The following CCDC178 variants were observed in gnomAD, a reference collection of about 807,000 sequenced individuals.
CCDC178 encodes coiled-coil domain containing 178, also known as coiled-coil domain-containing protein 178.
A neutral mutation model predicts 117.4 loss-of-function variants in CCDC178; 126 were observed. The observed-to-expected ratio is 1.07, with a 90% confidence interval of 0.93 to 1.24. The LOEUF (loss-of-function observed/expected upper bound fraction) is 1.24. Ranked by LOEUF, CCDC178 falls within the 50% of genes most tolerant of loss-of-function variation. The pLI is 0.00. For synonymous variants in CCDC178, 283 were observed against 313.4 expected (o/e 0.90, Z 1.02); for missense variants, 1,030 against 986.9 (o/e 1.04, Z -0.59).
rs1306971348 is a variant in CCDC178 at position 33,168,723 on chromosome 18, G to A, written c.2238+43173C>T. The stretch of plus-strand genomic sequence containing the variant: ...TTAACCCGAACTTACTTAGTAATAT[G>A]TCCTAACGGTGTAAATGATTAGAAT... On this transcript the variant is annotated intron_variant, in intron 20 of 22. Coordinates refer to ENST00000383096, the MANE Select transcript of CCDC178 (RefSeq NM_001105528.4). 2.0e-5 allele frequency among the ~76,000 whole-genome samples: 3 copies of A among 152,124 alleles called. No homozygotes were observed. The East Asian group carries it at 5.8e-4, about 29-fold the overall frequency.
intron 20 of CCDC178, among the ~76,000 whole-genome samples, chr18:33,101,235 T>C (rs1294376761): frequency 6.6e-6 from 1 of 151,368 alleles, no homozygotes; most frequent in African/African-American, 2.4e-5. Flanking sequence ...TTTAATTATA[T>C]TTTAATTTGT....
intron 15 of CCDC178, among the ~76,000 whole-genome samples, chr18:33,233,570 G>A (rs557256789): frequency 1.3e-5 from 2 of 152,018 alleles, no homozygotes; most frequent in African/African-American, 2.4e-5. Flanking sequence ...ATGTAGGTAA[G>A]TTGTTAAAGA....
chr18:33,204,391 T>C (rs942157064), intron 20 of CCDC178, among the ~76,000 whole-genome samples: 1 of 150,836 alleles, frequency 6.6e-6, no homozygotes, highest in African/African-American at 2.5e-5. Flanking sequence ...AAAATACCAA[T>C]AAACGAATGA....
At position 33,177,458 on chromosome 18, in the gene CCDC178, A is replaced by G. The variant is rs1282718945; in HGVS notation, c.2238+34438T>C. Among the ~76,000 whole-genome samples the G allele has an allele frequency of 2.6e-5, 4 of 152,210 alleles. No homozygotes were observed. In the East Asian group the frequency reaches 7.7e-4, roughly 29 times the overall value. On this transcript the variant is annotated intron_variant, in intron 20 of 22. Transcript: ENST00000383096. ...TCTAACCAAGGTTAGTGCTTCTGCC[A>G]GGACTCTGTGTGTTCCAATTCCATT...
chr18:33,000,326 G>A (rs1009728247), intron 21 of CCDC178, among the ~76,000 whole-genome samples: 2 of 151,776 alleles, frequency 1.3e-5, no homozygotes, highest in South Asian at 4.1e-4. Context: ...AAAAAATAAA[G>A]CACACCTACA....
intron 21 of CCDC178, among the ~76,000 whole-genome samples, chr18:33,044,983 G>C (rs1457689022): frequency 6.6e-6 from 1 of 152,100 alleles, no homozygotes; most frequent in Non-Finnish European, 1.5e-5. Context: ...GACATACAGA[G>C]CAGACACTGA....
intron 21 of CCDC178, among the ~76,000 whole-genome samples, chr18:33,077,082 G>C (rs943199069): frequency 2.0e-5 from 3 of 152,048 alleles, no homozygotes; most frequent in Admixed American, 6.6e-5. Context: ...ACTAAGCATT[G>C]CTTAATCATA....
At position 33,148,072 on chromosome 18, in the gene CCDC178, C is replaced by T. The variant is rs566825345; in HGVS notation, c.2239-55162G>A. On this transcript the variant is annotated intron_variant, in intron 20 of 22. Coordinates refer to ENST00000383096, the MANE Select transcript of CCDC178 (RefSeq NM_001105528.4). ...CGGCACTTTGGGAGGCCAAGGCAGG[C>T]GGCTGGGAGGTGGAGGTTGTAGCGA... Among the ~76,000 whole-genome samples, 386 of 151,996 alleles carry T rather than the reference C, an allele frequency of 2.5e-3. 4 individuals carry two copies. The highest frequency in any genetic ancestry group is 0.018 in the Admixed American group (277 of 15,252).
chr18:33,010,899 CTGTGT>C (rs1234543397), intron 21 of CCDC178, among the ~76,000 whole-genome samples: 1 of 152,154 alleles, frequency 6.6e-6, no homozygotes, highest in South Asian at 2.1e-4. Context: ...AATCAGAGTG[CTGTGT>C]TAAGGTATTG....
chr18:33,407,286 A>G (rs190871485), intron 3 of CCDC178, among the ~76,000 whole-genome samples: 1 of 152,246 alleles, frequency 6.6e-6, no homozygotes, highest in East Asian at 1.9e-4. Context: ...TATTATCTCT[A>G]TGTTATTTCA....
At chr18:33,120,405 A>C (rs2057921262) in intron 20 of CCDC178, among the ~76,000 whole-genome samples, 1 of 152,132 alleles carries the variant, frequency 6.6e-6, no homozygotes, top group Non-Finnish European at 1.5e-5. Flanking sequence ...GGTAGTTCTA[A>C]AATACAGGCA....
At chr18:33,300,296 T>C (rs1027636681) in intron 11 of CCDC178, among the ~76,000 whole-genome samples, 2 of 152,198 alleles carry the variant, frequency 1.3e-5, no homozygotes, top group Admixed American at 6.5e-5. Context: ...ATTAAGCCTT[T>C]TTATTTACAA....
chr18:33,084,188 T>C (rs1376949189), intron 21 of CCDC178, among the ~76,000 whole-genome samples: 1 of 152,232 alleles, frequency 6.6e-6, no homozygotes, highest in Non-Finnish European at 1.5e-5. Context: ...AAATATTCCC[T>C]CATTTTCTCC....
At chr18:32,961,683 T>A (rs999816022) in intron 22 of CCDC178, among the ~76,000 whole-genome samples, 5 of 152,118 alleles carry the variant, frequency 3.3e-5, no homozygotes, top group African/African-American at 1.2e-4. Flanking sequence ...GCAGCCTAGA[T>A]CCCTTGCATG....
At chr18:33,425,996 G>C (rs1312436453) in intron 2 of CCDC178, among the ~76,000 whole-genome samples, 2 of 152,032 alleles carry the variant, frequency 1.3e-5, no homozygotes, top group Non-Finnish European at 2.9e-5. Context: ...TTTTTCAACA[G>C]AAAACAAAGC....
chr18:33,346,438 T>C, intron 8 of CCDC178, 27 bp from the exon 9 acceptor site: 1 of 1,493,198 alleles, frequency 6.7e-7, no homozygotes, highest in Non-Finnish European at 9.3e-7. Flanking sequence ...TATTCACATT[T>C]GTTAATAAAT....
intron 20 of CCDC178, among the ~76,000 whole-genome samples, chr18:33,148,417 AGAGAGG>A (rs1284711609): frequency 1.1e-4 from 17 of 150,112 alleles, no homozygotes; most frequent in Admixed American, 6.6e-4. Context: ...GACCGTGGAG[AGAGAGG>A]GAGAGGGAGA....
chr18:33,157,995 T>C (rs2058421193), intron 20 of CCDC178, among the ~76,000 whole-genome samples: 1 of 152,120 alleles, frequency 6.6e-6, no homozygotes, highest in South Asian at 2.1e-4. Context: ...AATGCTCACT[T>C]ATCTGAGGGT....
At chr18:33,057,945 T>C (rs898268913) in intron 21 of CCDC178, among the ~76,000 whole-genome samples, 27 of 152,110 alleles carry the variant, frequency 1.8e-4, no homozygotes. Flanking sequence ...ACATCCACAG[T>C]GGGGTAGCAC....
Sources: gnomAD v4.1 joint callset for allele counts (sites outside exome capture counted in the v4.1 genomes callset) on GRCh38, gnomAD v4.1.1 for gene constraint, MANE v1.5 for transcripts, NCBI Gene and HGNC (gene_info 2026-07-23, HGNC 2026-07-21) for gene names.